Variants in PTPRQ observed in about 807,000 individuals in gnomAD.
The protein encoded by PTPRQ is protein tyrosine phosphatase receptor type Q, also known as phosphatidylinositol phosphatase PTPRQ.
PTPRQ carries 199 observed loss-of-function variants against 246.0 expected under a neutral mutation model. The observed-to-expected ratio is 0.81, with a 90% CI of 0.72 to 0.91. The LOEUF is 0.91. PTPRQ is among the 40% of genes least tolerant of loss of function. The pLI, the probability that PTPRQ is intolerant of heterozygous loss-of-function variation, is 0.00. For synonymous variants in PTPRQ, 869 were observed against 853.2 expected, an observed-to-expected ratio of 1.02 and a Z score of -0.32; for missense variants, 2,624 against 2,528.4, an observed-to-expected ratio of 1.04 and a Z score of -0.81.
intron 27 of PTPRQ, among the ~76,000 whole-genome samples, chr12:80,609,442 G>A (rs1268118542): frequency 1.3e-5 from 2 of 150,498 alleles, no homozygotes; most frequent in African/African-American, 4.9e-5. Context: ...GGTTTTAAGT[G>A]TTTCAATTAA....
intron 25 of PTPRQ, among the ~76,000 whole-genome samples, chr12:80,586,943 ACAC>A (rs1336438409): frequency 1.3e-5 from 2 of 152,186 alleles, no homozygotes; most frequent in African/African-American, 4.8e-5. Flanking sequence ...TGCAGATACT[ACAC>A]CATTTTATAT....
chr12:80,456,903 CA>C (rs1264060353), intron 3 of PTPRQ, among the ~76,000 whole-genome samples: 2 of 152,060 alleles, frequency 1.3e-5, no homozygotes, highest in African/African-American at 4.8e-5. Flanking sequence ...TTACTTACAA[CA>C]GTTAAGTAAA....
chr12:80,466,058 G>A (rs1240126888), intron 6 of PTPRQ, among the ~76,000 whole-genome samples: 5 of 152,184 alleles, frequency 3.3e-5, no homozygotes, highest in African/African-American at 7.2e-5. Context: ...AAAAGAGGAA[G>A]TCAAAATGTC....
Position 80,546,675 on chromosome 12 carries a change from A to G in PTPRQ, c.3993A>G (p.Val1331=). The G allele has an allele frequency of 5.2e-6, 8 of 1,551,356 alleles. No individual in the cohort carries two copies. Among genetic ancestry groups the G allele is most frequent in the Non-Finnish European group, 7.0e-6 (8 of 1,146,824 alleles). Residue 1331 remains valine, a synonymous_variant, in exon 24 of 45, where the codon GTA becomes GTG. Coordinates refer to ENST00000644991, the MANE Select transcript of PTPRQ (RefSeq NM_001145026.2). ...ATGGCAATCAATTTAGTAATGTAGTAAAATTCACAACCCAAGAATCAGGTT... is the reference window on the plus strand; with the variant it reads ...ATGGCAATCAATTTAGTAATGTAGTGAAATTCACAACCCAAGAATCAGGTT... ...VGNGNQFSNV[V]KFTTQESVPD...
intron 8 of PTPRQ, among the ~76,000 whole-genome samples, chr12:80,481,304 G>A (rs895559498): frequency 2.6e-5 from 4 of 152,090 alleles, no homozygotes; most frequent in South Asian, 2.1e-4. Flanking sequence ...TGCAGAAAAG[G>A]CCTTTGACAA....
At position 80,669,329 on chromosome 12, in the gene PTPRQ, C is replaced by T. The variant is rs1900891629; in HGVS notation, c.6328-10C>T. 1 of 1,548,172 alleles carries T rather than the reference C, an allele frequency of 6.5e-7. No individual in the cohort carries two copies. Among genetic ancestry groups the T allele is most frequent in the African/African-American group, 1.4e-5 (1 of 72,744 alleles). ...TGACGCTTATGACTGATGATTTTCT[C>T]TGAATGCAGATCAGATGCCATCAGT... On this transcript the variant is annotated splice_polypyrimidine_tract_variant and intron_variant, in intron 40 of 44. Transcript: ENST00000644991.
Position 80,472,750 on chromosome 12 carries a change from T to A in PTPRQ, c.1186+499T>A, listed in dbSNP as rs577574452. On this transcript the variant is annotated intron_variant, in intron 8 of 44. Coordinates refer to ENST00000644991, the MANE Select transcript of PTPRQ (RefSeq NM_001145026.2). ...ATTTACTGAAATTATGAAAACATTA[T>A]TTTTCCTCAAGAAACTTCCTTATAA... 9.8e-5 allele frequency among the ~76,000 whole-genome samples: 15 copies of A among 152,304 alleles called. 1 individual carries two copies. The East Asian group carries it at 2.7e-3, about 27-fold the overall frequency.
chr12:80,546,703 A>T lies in PTPRQ; in HGVS notation c.4015+6A>T. 6.5e-7 allele frequency: 1 copy of T among 1,546,058 alleles called. No individual in the cohort carries two copies. The highest frequency in any genetic ancestry group is 2.4e-5 in the East Asian group (1 of 40,834). Reference sequence around the variant, plus strand: ...ATTCACAACCCAAGAATCAGGTTAGATACAGTTTTTGAGCCTAAAATGTTT... The same window carrying T: ...ATTCACAACCCAAGAATCAGGTTAGTTACAGTTTTTGAGCCTAAAATGTTT... On this transcript the variant is annotated splice_donor_region_variant and intron_variant, in intron 24 of 44. Coordinates refer to ENST00000644991, the MANE Select transcript of PTPRQ (RefSeq NM_001145026.2).
chr12:80,501,071 C>T (rs1894785069), intron 14 of PTPRQ, among the ~76,000 whole-genome samples: 1 of 151,662 alleles, frequency 6.6e-6, no homozygotes, highest in Non-Finnish European at 1.5e-5. Context: ...CAGCAATTGC[C>T]AACTTCTTAT....
At chr12:80,520,233 T>C (rs1169805189) in intron 17 of PTPRQ, among the ~76,000 whole-genome samples, 2 of 152,162 alleles carry the variant, frequency 1.3e-5, no homozygotes, top group Non-Finnish European at 2.9e-5. Context: ...GAGGGACTGG[T>C]AGGAGATAAT....
intron 29 of PTPRQ, among the ~76,000 whole-genome samples, chr12:80,615,513 A>G (rs1178553032): frequency 6.6e-6 from 1 of 151,170 alleles, no homozygotes; most frequent in Admixed American, 6.6e-5. Flanking sequence ...TCCTTAGCAC[A>G]AAGTTAATTG....
intron 42 of PTPRQ, 144 bp downstream of exon 42, chr12:80,670,636 A>C: frequency 8.1e-7 from 1 of 1,242,098 alleles, no homozygotes; most frequent in Non-Finnish European, 1.1e-6. Context: ...TTCTAGACAC[A>C]TTGGTATGAT....
chr12:80,522,691 C>A (rs563868595), intron 17 of PTPRQ, among the ~76,000 whole-genome samples: 11 of 152,258 alleles, frequency 7.2e-5, no homozygotes, highest in African/African-American at 2.4e-4. Context: ...GTGGAGCCAG[C>A]CTTGCATCCC....
chr12:80,558,041 CTCTT>C (rs1896695061), intron 25 of PTPRQ, among the ~76,000 whole-genome samples: 1 of 151,834 alleles, frequency 6.6e-6, no homozygotes, highest in African/African-American at 2.4e-5. Flanking sequence ...TCCTCTCTCT[CTCTT>C]TCTCCCTTCC....
At chr12:80,657,915 C>G in intron 38 of PTPRQ, 70 bp from the exon 39 acceptor site, 2 of 1,165,270 alleles carry the variant, frequency 1.7e-6, no homozygotes, top group Non-Finnish European at 2.3e-6. Context: ...CTTTGTATTA[C>G]TTTTATAGTA....
rs181622349 is a variant in PTPRQ at position 80,506,836 on chromosome 12, C to T, written c.2557+166C>T. Reference sequence around the variant, plus strand: ...GTCATGGTATAAAAGAAGCTAGCAACATCAGATTTACATTCAGTGAAATCA... The same window carrying T: ...GTCATGGTATAAAAGAAGCTAGCAATATCAGATTTACATTCAGTGAAATCA... On this transcript the variant is annotated intron_variant, in intron 16 of 44. Transcript: ENST00000644991. 2.9e-3 allele frequency among the ~76,000 whole-genome samples: 435 copies of T among 152,060 alleles called. 4 individuals are homozygous for T. Among genetic ancestry groups the T allele is most frequent in the African/African-American group, 9.7e-3 (401 of 41,520 alleles).
intron 17 of PTPRQ, among the ~76,000 whole-genome samples, chr12:80,522,574 G>A (rs1169666019): frequency 6.6e-6 from 1 of 152,080 alleles, no homozygotes; most frequent in Non-Finnish European, 1.5e-5. Flanking sequence ...TAACGTGAAG[G>A]GCTGTTGAAT....
chr12:80,585,173 A>G (rs1282623335), intron 25 of PTPRQ, among the ~76,000 whole-genome samples: 1 of 152,034 alleles, frequency 6.6e-6, no homozygotes, highest in East Asian at 1.9e-4. Context: ...CTCAAAAGAA[A>G]TTGTTAATCT....
intron 8 of PTPRQ, among the ~76,000 whole-genome samples, chr12:80,478,770 G>A (rs1009655909): frequency 6.6e-6 from 1 of 152,150 alleles, no homozygotes; most frequent in African/African-American, 2.4e-5. Context: ...GGAAGAAAGG[G>A]TATCAGCAAT....
Sources: gnomAD v4.1 joint callset for allele counts (sites outside exome capture counted in the v4.1 genomes callset) on GRCh38, gnomAD v4.1.1 for gene constraint, MANE v1.5 for transcripts, NCBI Gene and HGNC (gene_info 2026-07-23, HGNC 2026-07-21) for gene names.